The following SIMC1 variants were observed in gnomAD, a reference collection of about 807,000 sequenced individuals.
SIMC1 encodes SUMO-interacting motif-containing protein 1.
SIMC1 carries 55 observed loss-of-function variants against 82.3 expected under a neutral mutation model. The ratio of observed to expected loss-of-function variants is 0.67; its 90% confidence interval spans 0.54 to 0.84. The LOEUF is 0.84. Ranked by LOEUF, SIMC1 falls within the 40% of genes least tolerant of loss-of-function variation. The pLI, the probability that SIMC1 is intolerant of heterozygous loss-of-function variation, is 0.00. For synonymous variants in SIMC1, 353 were observed against 426.3 expected, an observed-to-expected ratio of 0.83 and a Z score of 2.12; for missense variants, 915 against 1,107.2, an observed-to-expected ratio of 0.83 and a Z score of 2.46.
At chr5:176,269,464 CA>C (rs1165659234) in intron 1 of SIMC1, among the ~76,000 whole-genome samples, 1 of 152,192 alleles carries the variant, frequency 6.6e-6, no homozygotes, top group African/African-American at 2.4e-5. Context: ...AAAACTAACA[CA>C]AGAAGGCAGA....
At chr5:176,256,406 T>C (rs974559806) in intron 1 of SIMC1, among the ~76,000 whole-genome samples, 10 of 152,186 alleles carry the variant, frequency 6.6e-5, no homozygotes, top group African/African-American at 2.4e-4. Flanking sequence ...CAAATTTCTT[T>C]TGTAAATTCA....
chr5:176,271,725 A>G (rs1489377796), intron 1 of SIMC1, among the ~76,000 whole-genome samples: 1 of 151,578 alleles, frequency 6.6e-6, no homozygotes, highest in Non-Finnish European at 1.5e-5. Flanking sequence ...GAGGGAGTAC[A>G]ATTGGAATGT....
intron 1 of SIMC1, among the ~76,000 whole-genome samples, chr5:176,273,498 G>A (rs1044167062): frequency 1.3e-5 from 2 of 152,002 alleles, no homozygotes; most frequent in Admixed American, 1.3e-4. Context: ...GAGCAGAAAA[G>A]CTGAAAAAAA....
At chr5:176,327,269 A>G (rs1458962817) in intron 7 of SIMC1, among the ~76,000 whole-genome samples, 3 of 152,222 alleles carry the variant, frequency 2.0e-5, no homozygotes, top group Non-Finnish European at 4.4e-5. Context: ...ATTATGCTAA[A>G]AGATACTTTA....
At chr5:176,249,771 G>A (rs568458066) in intron 1 of SIMC1, among the ~76,000 whole-genome samples, 176 of 150,208 alleles carry the variant, frequency 1.2e-3, no homozygotes, top group Admixed American at 3.3e-3. Flanking sequence ...GTGAACCCGG[G>A]AGGTGGAGCT....
intron 5 of SIMC1, among the ~76,000 whole-genome samples, chr5:176,315,894 G>T (rs192603711): frequency 2.4e-4 from 36 of 152,252 alleles, no homozygotes; most frequent in African/African-American, 8.4e-4. Context: ...CAAAAAATTG[G>T]CCGGGTACAG....
At chr5:176,273,604 G>C (rs1220071116) in intron 1 of SIMC1, among the ~76,000 whole-genome samples, 2 of 152,114 alleles carry the variant, frequency 1.3e-5, no homozygotes, top group South Asian at 2.1e-4. Flanking sequence ...ACTGCACCCA[G>C]TAACTCGTCA....
intron 1 of SIMC1, among the ~76,000 whole-genome samples, chr5:176,285,385 A>C (rs1200496075): frequency 6.6e-6 from 1 of 152,200 alleles, no homozygotes; most frequent in East Asian, 1.9e-4. Context: ...AAAGACAAAA[A>C]CCACATGATT....
intron 1 of SIMC1, among the ~76,000 whole-genome samples, chr5:176,272,172 CAAAA>C (rs1162307977): frequency 1.5e-3 from 29 of 19,970 alleles, no homozygotes; most frequent in African/African-American, 2.9e-3. Context: ...CCCATCTCTA[CAAAA>C]AAAAAAAAAA....
intron 1 of SIMC1, among the ~76,000 whole-genome samples, chr5:176,240,583 AAAAG>A (rs1475073707): frequency 3.2e-5 from 3 of 94,736 alleles, no homozygotes; most frequent in Non-Finnish European, 7.1e-5. Flanking sequence ...CCAGCTCTCT[AAAAG>A]CTCCAAGCTT....
chr5:176,251,176 A>G (rs1457705315), intron 1 of SIMC1, among the ~76,000 whole-genome samples: 1 of 152,180 alleles, frequency 6.6e-6, no homozygotes, highest in Non-Finnish European at 1.5e-5. Flanking sequence ...CCTGGGCAAC[A>G]TGGTGAAACC....
At chr5:176,243,375 G>A (rs950865843) in intron 1 of SIMC1, among the ~76,000 whole-genome samples, 2 of 152,172 alleles carry the variant, frequency 1.3e-5, no homozygotes, top group Non-Finnish European at 2.9e-5. Flanking sequence ...GCAATGTAAC[G>A]ACTGATGGAC....
At chr5:176,325,230 T>C (rs1203654782) in intron 7 of SIMC1, among the ~76,000 whole-genome samples, 24 of 151,842 alleles carry the variant, frequency 1.6e-4, no homozygotes, top group Admixed American at 1.6e-3. Flanking sequence ...CTACTAAAAA[T>C]ACAAAAATTA....
intron 1 of SIMC1, 90 bp from the exon 2 acceptor site, chr5:176,289,564 T>G: frequency 9.9e-7 from 1 of 1,014,822 alleles, no homozygotes; most frequent in South Asian, 1.8e-5. Flanking sequence ...GGTAAAGTAA[T>G]GCTTATCCTT....
chr5:176,254,942 G>A (rs1761799365), intron 1 of SIMC1, among the ~76,000 whole-genome samples: 1 of 152,048 alleles, frequency 6.6e-6, no homozygotes, highest in Non-Finnish European at 1.5e-5. Context: ...TAGCTTAAGA[G>A]AAAGAAAAGG....
chr5:176,267,950 A>G (rs1048224154), intron 1 of SIMC1, among the ~76,000 whole-genome samples: 3 of 151,468 alleles, frequency 2.0e-5, no homozygotes, highest in African/African-American at 7.3e-5. Flanking sequence ...GAGTTTCACC[A>G]TGTTGCCAAG....
At chr5:176,286,693 G>T (rs1763301054) in intron 1 of SIMC1, among the ~76,000 whole-genome samples, 1 of 152,180 alleles carries the variant, frequency 6.6e-6, no homozygotes, top group Non-Finnish European at 1.5e-5. Context: ...GAGTGAACAG[G>T]CAACCTACAG....
At chr5:176,295,464 A>G (rs1367890828) in intron 3 of SIMC1, among the ~76,000 whole-genome samples, 1 of 152,248 alleles carries the variant, frequency 6.6e-6, no homozygotes, top group Non-Finnish European at 1.5e-5. Context: ...GGCTCGTGTT[A>G]CTAGAAACCG....
At chr5:176,293,547 C>T (rs1024611718) in intron 2 of SIMC1, among the ~76,000 whole-genome samples, 4 of 151,952 alleles carry the variant, frequency 2.6e-5, no homozygotes, top group African/African-American at 9.7e-5. Context: ...AGTTCGAGAC[C>T]AGCCTGGGCA....
Sources: gnomAD v4.1 joint callset for allele counts (sites outside exome capture counted in the v4.1 genomes callset) on GRCh38, gnomAD v4.1.1 for gene constraint, MANE v1.5 for transcripts, NCBI Gene and HGNC (gene_info 2026-07-23, HGNC 2026-07-21) for gene names.